LHX8: variants seen among roughly 807,000 people sequenced by gnomAD.
LHX8 encodes LIM homeobox 8, also known as LIM/homeobox protein Lhx8.
In LHX8, 12 loss-of-function variants were observed where a neutral mutation model predicts 40.3. That is an observed-to-expected ratio of 0.30 (90% CI 0.19 to 0.48). The LOEUF (loss-of-function observed/expected upper bound fraction) is 0.48, where lower values mean the gene tolerates loss of function less well. LHX8 is among the 20% of genes least tolerant of loss of function. The pLI, the probability that LHX8 is intolerant of heterozygous loss-of-function variation, is 0.99. For synonymous variants in LHX8, 179 were observed against 162.0 expected, an observed-to-expected ratio of 1.10 and a Z score of -0.80; for missense variants, 344 against 433.7, an observed-to-expected ratio of 0.79 and a Z score of 1.84.
the LHX8 span, among the ~76,000 whole-genome samples, chr1:75,183,310 C>T: frequency 6.6e-6 from 1 of 152,032 alleles, no homozygotes; most frequent in Non-Finnish European, 1.5e-5. Context: ...AGATCACCCC[C>T]AAGACACATA....
At chr1:75,163,873 A>G (rs1306094450), downstream of LHX8, among the ~76,000 whole-genome samples, 1 of 152,144 alleles carries the variant, frequency 6.6e-6, no homozygotes, top group Non-Finnish European at 1.5e-5. Context: ...GTGCCCTTAT[A>G]AAAGAGACCT....
the LHX8 span, among the ~76,000 whole-genome samples, chr1:75,191,403 T>A: frequency 6.6e-6 from 1 of 152,112 alleles, no homozygotes; most frequent in Admixed American, 6.5e-5. Context: ...AGGATTTATT[T>A]CAGAGGAGCA....
chr1:75,148,370 G>C (rs1469279852), intron 6 of LHX8, among the ~76,000 whole-genome samples: 1 of 152,162 alleles, frequency 6.6e-6, no homozygotes, highest in Non-Finnish European at 1.5e-5. Flanking sequence ...GTTTTACATT[G>C]AAATGGATTT....
the LHX8 span, among the ~76,000 whole-genome samples, chr1:75,183,864 T>G: frequency 1.3e-4 from 20 of 152,226 alleles, no homozygotes; most frequent in African/African-American, 3.6e-4. Context: ...CCCAGCAGTA[T>G]GCTGTTTTCA....
At chr1:75,172,803 G>A in the LHX8 span, among the ~76,000 whole-genome samples, 1 of 152,058 alleles carries the variant, frequency 6.6e-6, no homozygotes, top group Non-Finnish European at 1.5e-5. Context: ...CCTTAGAAAT[G>A]GAAACAAAAA....
In LHX8 at chr1:75,155,444, C is replaced by T. The variant is rs562155408; in HGVS notation, c.781-1449C>T. On this transcript the variant is annotated intron_variant, in intron 7 of 8. Transcript: ENST00000356261. ...AGAGATGGAGTTTCACTGTTTTAGC[C>T]AGGATGGTCTCGATCTCCTGACCTT... 1.2e-4 allele frequency among the ~76,000 whole-genome samples: 19 copies of T among 152,076 alleles called. No homozygotes were observed. In the South Asian group the frequency reaches 1.9e-3, roughly 15 times the overall value.
At chr1:75,184,821 G>T in the LHX8 span, among the ~76,000 whole-genome samples, 1 of 140,540 alleles carries the variant, frequency 7.1e-6, no homozygotes, top group Non-Finnish European at 1.5e-5. Context: ...TCCAGCAGCT[G>T]TTTTTTTTTT....
rs1372189262 is a variant in LHX8 at position 75,156,974 on chromosome 1, C to T, written c.862C>T (p.Pro288Ser). The change falls in exon 8 of 9, where the codon CCA (proline) becomes TCA (serine). Residue 288 changes from proline (P) to serine (S), a missense_variant. Around this residue, in one of 3 missense-constraint regions of LHX8, gnomAD observed 89 missense variants for 92.8 expected, o/e 0.96. Coordinates refer to ENST00000356261, the MANE Select transcript of LHX8 (RefSeq NM_001256114.2). ...HSSSTPVTAV[P>S]PSRLSPPMLE... ...ATCCTCCACCCCAGTCACAGCAGTCCCACCCTCCAGGCTGTCTCCACCCAT... is the reference window on the plus strand; with the variant it reads ...ATCCTCCACCCCAGTCACAGCAGTCTCACCCTCCAGGCTGTCTCCACCCAT... 7 of 1,614,000 alleles carry T rather than the reference C, an allele frequency of 4.3e-6. No individual in the cohort carries two copies. Among genetic ancestry groups the T allele is most frequent in the Non-Finnish European group, 5.9e-6 (7 of 1,180,016 alleles).
At position 75,137,187 on chromosome 1, in the gene LHX8, G is replaced by C. The variant is rs1461014285; in HGVS notation, c.163G>C (p.Gly55Arg). The change falls in exon 3 of 9, where the codon GGC (glycine) becomes CGC (arginine). Residue 55 changes from glycine to arginine, a missense_variant. Coordinates refer to ENST00000356261, the MANE Select transcript of LHX8 (RefSeq NM_001256114.2). ...GTCCTCGCCCCGGTCCATGGCCTCG[G>C]GCTCCGGCTGCCCTCCTGGCAAGTG... is the stretch of plus-strand genomic sequence containing the variant. Reference protein sequence around the residue: ...PSSSPRSMASGSGCPPGKCVC... With the variant: ...PSSSPRSMASRSGCPPGKCVC... 1.9e-6 allele frequency: 3 copies of C among 1,613,550 alleles called. No homozygotes were observed. The highest frequency in any genetic ancestry group is 2.2e-5 in the East Asian group (1 of 44,854).
intron 3 of LHX8, among the ~76,000 whole-genome samples, chr1:75,137,648 C>T (rs902061098): frequency 6.6e-6 from 1 of 152,150 alleles, no homozygotes; most frequent in Non-Finnish European, 1.5e-5. Flanking sequence ...ATCTTTGTTC[C>T]CTCTAAACGG....
At chr1:75,148,538 T>C (rs778373064) in intron 6 of LHX8, 49 bp from the exon 7 acceptor site, 1 of 1,263,626 alleles carries the variant, frequency 7.9e-7, no homozygotes, top group East Asian at 2.4e-5. Context: ...GGAAGAAGAC[T>C]GAGCTGCTTG....
At chr1:75,150,072 T>A (rs747030982) in intron 7 of LHX8, among the ~76,000 whole-genome samples, 1 of 151,852 alleles carries the variant, frequency 6.6e-6, no homozygotes, top group Non-Finnish European at 1.5e-5. Context: ...TGAAACCCCA[T>A]CTCTACAGGA....
At chr1:75,153,205 A>T (rs1648657993) in intron 7 of LHX8, among the ~76,000 whole-genome samples, 1 of 151,818 alleles carries the variant, frequency 6.6e-6, no homozygotes, top group Admixed American at 6.6e-5. Context: ...TTCCGGACTC[A>T]AGCGATTCTC....
chr1:75,151,013 T>G (rs537586673), intron 7 of LHX8, among the ~76,000 whole-genome samples: 2 of 152,034 alleles, frequency 1.3e-5, no homozygotes, highest in South Asian at 4.2e-4. Context: ...TTCAAAAAAT[T>G]TAAGGAGTGA....
chr1:75,184,198 G>A, the LHX8 span, among the ~76,000 whole-genome samples: 2 of 152,264 alleles, frequency 1.3e-5, no homozygotes, highest in African/African-American at 4.8e-5. Flanking sequence ...ACAATCCACT[G>A]ACAGCATTAG....
At chr1:75,158,688 C>G (rs547720286) in intron 8 of LHX8, among the ~76,000 whole-genome samples, 3 of 151,936 alleles carry the variant, frequency 2.0e-5, no homozygotes, top group Non-Finnish European at 4.4e-5. Context: ...ATTTCTGTAC[C>G]TTCTGTTCTA....
At chr1:75,178,816 A>G in the LHX8 span, among the ~76,000 whole-genome samples, 47 of 152,342 alleles carry the variant, frequency 3.1e-4, no homozygotes, top group Non-Finnish European at 5.6e-4. Context: ...ATTTAGTGCT[A>G]TAAATTTCCC....
chr1:75,166,064 G>A (rs188256612), downstream of LHX8, among the ~76,000 whole-genome samples: 31 of 152,346 alleles, frequency 2.0e-4, no homozygotes, highest in Admixed American at 2.0e-3. Context: ...GGCGGGGTTA[G>A]TGGCAGGAAA....
chr1:75,198,505 T>A, the LHX8 span, among the ~76,000 whole-genome samples: 1 of 152,328 alleles, frequency 6.6e-6, no homozygotes, highest in East Asian at 1.9e-4. Context: ...TTGCTTCAGT[T>A]GTCAGTTGAG....
Sources: gnomAD v4.1 joint callset for allele counts (sites outside exome capture counted in the v4.1 genomes callset) on GRCh38, gnomAD v4.1.1 for gene constraint, gnomAD v4.1.1 regional missense constraint, MANE v1.5 for transcripts, NCBI Gene and HGNC (gene_info 2026-07-23, HGNC 2026-07-21) for gene names.